CADM1: variants seen among roughly 807,000 people sequenced by gnomAD.
The protein encoded by CADM1 is TSLC-1.
A neutral mutation model predicts 53.1 loss-of-function variants in CADM1; 15 were observed. That is an observed-to-expected ratio of 0.28 (90% CI 0.19 to 0.44). The LOEUF is 0.44. Ranked by LOEUF, CADM1 falls within the 20% of genes least tolerant of loss-of-function variation. The pLI is 1.00. For missense variants in CADM1, 434 were observed against 611.3 expected (o/e 0.71, Z 3.06); for synonymous variants, 281 against 243.0 (o/e 1.16, Z -1.45).
chr11:115,478,527 C>T (rs1012224393), intron 1 of CADM1, among the ~76,000 whole-genome samples: 3 of 152,126 alleles, frequency 2.0e-5, no homozygotes, highest in South Asian at 4.1e-4. Context: ...ACACCCATTT[C>T]AACTGATCTT....
chr11:115,254,589 C>CAG (rs1369478709), intron 1 of CADM1, among the ~76,000 whole-genome samples: 13 of 144,718 alleles, frequency 9.0e-5, no homozygotes, highest in Admixed American at 8.2e-4. Context: ...CACACACACA[C>CAG]ACACAGAGAC....
chr11:115,188,508 G>A (rs907076325), intron 10 of CADM1, among the ~76,000 whole-genome samples: 2 of 152,172 alleles, frequency 1.3e-5, no homozygotes, highest in East Asian at 1.9e-4. Flanking sequence ...GCACTGGTGC[G>A]TGGGGGAGGT....
At chr11:115,428,387 A>G (rs1357304458) in intron 1 of CADM1, among the ~76,000 whole-genome samples, 1 of 152,196 alleles carries the variant, frequency 6.6e-6, no homozygotes, top group Non-Finnish European at 1.5e-5. Context: ...ATAATTGGCC[A>G]TGGGAGGAAA....
intron 9 of CADM1, among the ~76,000 whole-genome samples, chr11:115,198,020 G>C (rs1028363143): frequency 3.3e-5 from 5 of 152,086 alleles, no homozygotes; most frequent in Non-Finnish European, 5.9e-5. Context: ...ATTTACCTGG[G>C]ACTATGGCCT....
rs220857 is a variant in CADM1, at chr11:115,439,756, T to C, written c.124+64515A>G. On this transcript the variant is annotated intron_variant, in intron 1 of 11. Transcript: ENST00000331581. ...AGAGAGAGAATCCATAACACTCCAG[T>C]AGCACAGAAGGTCTTTTAATAATAT... Among the ~76,000 whole-genome samples the C allele has an allele frequency of 6.1e-3, 933 of 152,332 alleles. 11 individuals carry two copies. Among genetic ancestry groups the C allele is most frequent in the African/African-American group, 0.021 (857 of 41,572 alleles).
intron 1 of CADM1, among the ~76,000 whole-genome samples, chr11:115,384,516 T>C (rs1290721339): frequency 6.6e-6 from 1 of 152,252 alleles, no homozygotes; most frequent in Non-Finnish European, 1.5e-5. Context: ...CCATTCATTC[T>C]GTTTTTAATT....
At chr11:115,375,298 T>C (rs1188628149) in intron 1 of CADM1, among the ~76,000 whole-genome samples, 2 of 152,096 alleles carry the variant, frequency 1.3e-5, no homozygotes, top group African/African-American at 2.4e-5. Flanking sequence ...AACAAAAAAA[T>C]GTAGAACTAT....
intron 5 of CADM1, 72 bp from the exon 6 acceptor site, chr11:115,218,063 C>T: frequency 9.9e-7 from 1 of 1,010,382 alleles, no homozygotes; most frequent in Admixed American, 1.8e-5. Context: ...TCACACACTG[C>T]CTCAAAACCA....
At chr11:115,327,873 G>T (rs1214902992) in intron 1 of CADM1, among the ~76,000 whole-genome samples, 1 of 152,126 alleles carries the variant, frequency 6.6e-6, no homozygotes, top group African/African-American at 2.4e-5. Flanking sequence ...TGTCTTTGGG[G>T]TGTCAGATTC....
chr11:115,393,555 T>C lies in CADM1; in HGVS notation c.124+110716A>G, dbSNP rs547877147. Among the ~76,000 whole-genome samples the C allele has an allele frequency of 7.6e-4, 100 of 131,514 alleles. 1 individual carries two copies. In the Middle Eastern group the frequency reaches 0.011, roughly 14 times the overall value. 86.3% of individuals were successfully genotyped at this position (131,514 alleles called of 152,430 possible). ...GAAAAAAGAGCAAATGTTAACAGTA[T>C]CTGAAAAAAAAAAAACATAGAGGTA... On this transcript the variant is annotated intron_variant, in intron 1 of 11. Transcript: ENST00000331581.
In CADM1 at chr11:115,408,661, C is replaced by T. The variant is rs142683569; in HGVS notation, c.124+95610G>A. Among the ~76,000 whole-genome samples the T allele has an allele frequency of 3.7e-4, 57 of 152,288 alleles. No homozygotes were observed. In the East Asian group the frequency reaches 5.0e-3, roughly 13 times the overall value. ...ATAGCCCCTCCTCCTAGTACTTATT[C>T]ATAATCAACTCTACTCCAAGAAAAT... On this transcript the variant is annotated intron_variant, in intron 1 of 11. Coordinates refer to ENST00000331581, the MANE Select transcript of CADM1 (RefSeq NM_001301043.2).
intron 1 of CADM1, among the ~76,000 whole-genome samples, chr11:115,338,874 TTTA>T (rs1474456579): frequency 1.2e-5 from 1 of 86,396 alleles, no homozygotes; most frequent in East Asian, 2.9e-4. Flanking sequence ...TTTTATTTTT[TTTA>T]TTTTTTTTTT....
intron 1 of CADM1, among the ~76,000 whole-genome samples, chr11:115,301,440 G>A (rs1944218372): frequency 6.6e-6 from 1 of 151,762 alleles, no homozygotes; most frequent in South Asian, 2.1e-4. Context: ...CTTACTTGAA[G>A]TCAAAACAAA....
intron 1 of CADM1, among the ~76,000 whole-genome samples, chr11:115,393,334 C>T (rs1765254226): frequency 6.6e-6 from 1 of 151,386 alleles, no homozygotes; most frequent in Admixed American, 6.6e-5. Flanking sequence ...ATCCTCTAAA[C>T]TATACTTTTA....
chr11:115,375,446 G>A (rs117729711), intron 1 of CADM1, among the ~76,000 whole-genome samples: 4,579 of 152,192 alleles, frequency 0.03, 111 homozygotes, highest in South Asian at 0.069. Context: ...TTCATTTTGC[G>A]ACAATTTACT....
intron 1 of CADM1, among the ~76,000 whole-genome samples, chr11:115,444,998 T>C (rs1231272843): frequency 6.6e-6 from 1 of 152,180 alleles, no homozygotes; most frequent in African/African-American, 2.4e-5. Context: ...GACTATAACA[T>C]AGTGACAAAC....
intron 1 of CADM1, among the ~76,000 whole-genome samples, chr11:115,372,547 A>G (rs979361813): frequency 1.3e-5 from 2 of 152,140 alleles, no homozygotes; most frequent in African/African-American, 2.4e-5. Flanking sequence ...ACATTGATAA[A>G]AATGTGAAAG....
intron 1 of CADM1, among the ~76,000 whole-genome samples, chr11:115,403,973 A>AT (rs1446083665): frequency 6.6e-6 from 1 of 151,764 alleles, no homozygotes; most frequent in African/African-American, 2.4e-5. Flanking sequence ...AAAAAAAAGT[A>AT]TTTTTTTATG....
At chr11:115,458,549 C>A (rs1468087116) in intron 1 of CADM1, among the ~76,000 whole-genome samples, 1 of 150,458 alleles carries the variant, frequency 6.6e-6, no homozygotes, top group East Asian at 1.9e-4. Flanking sequence ...TACCCTGCCC[C>A]TAGTCCATGC....
Sources: allele counts gnomAD v4.1 joint callset (sites outside exome capture counted in the v4.1 genomes callset), GRCh38; gene constraint gnomAD v4.1.1; transcripts MANE v1.5; gene names NCBI Gene and HGNC (gene_info 2026-07-23, HGNC 2026-07-21).